Variants in ARHGAP42 observed in about 807,000 individuals in gnomAD.
ARHGAP42 encodes the protein rho GTPase-activating protein 42.
Under a neutral mutation model 125.0 loss-of-function variants are expected in ARHGAP42, and 63 were observed. The observed-to-expected ratio is 0.50, with a 90% CI of 0.41 to 0.62. The LOEUF (loss-of-function observed/expected upper bound fraction) is 0.62, where lower values mean the gene tolerates loss of function less well. Ranked by LOEUF, ARHGAP42 falls within the 20% of genes least tolerant of loss-of-function variation. ARHGAP42 has a pLI of 0.00. For missense variants in ARHGAP42, 766 were observed against 1,024.2 expected (o/e 0.75, Z 3.44); for synonymous variants, 339 against 351.0 (o/e 0.97, Z 0.38).
chr11:100,860,137 T>C (rs554306707), intron 4 of ARHGAP42, among the ~76,000 whole-genome samples: 1 of 152,276 alleles, frequency 6.6e-6, no homozygotes, highest in South Asian at 2.1e-4. Context: ...TCCTCATTCT[T>C]AGAGCCATAT....
chr11:100,830,977 G>A (rs1197896570), intron 3 of ARHGAP42, among the ~76,000 whole-genome samples: 1 of 152,040 alleles, frequency 6.6e-6, no homozygotes, highest in Non-Finnish European at 1.5e-5. Flanking sequence ...AAGATGGGAA[G>A]GGGTCAAAGT....
At chr11:100,710,928 AC>A (rs1861556006) in intron 1 of ARHGAP42, among the ~76,000 whole-genome samples, 1 of 152,150 alleles carries the variant, frequency 6.6e-6, no homozygotes, top group Non-Finnish European at 1.5e-5. Context: ...CTGTGGTGCC[AC>A]ACCCCCTCAG....
At chr11:100,913,576 A>G in intron 5 of ARHGAP42, 23 bp downstream of exon 5, 1 of 1,210,698 alleles carries the variant, frequency 8.3e-7, no homozygotes, top group Non-Finnish European at 1.1e-6. Context: ...AACTGAAATA[A>G]TGGAAAAGGC....
At chr11:100,947,786 T>C (rs1868064660) in intron 10 of ARHGAP42, among the ~76,000 whole-genome samples, 1 of 152,000 alleles carries the variant, frequency 6.6e-6, no homozygotes, top group South Asian at 2.1e-4. Flanking sequence ...CTCAATTTTC[T>C]GTTTAACTAA....
At position 100,921,729 on chromosome 11, in the gene ARHGAP42, G is replaced by A. The variant is rs936428332; in HGVS notation, c.597+125G>A. 6.4e-6 allele frequency: 4 copies of A among 625,096 alleles called. No homozygotes were observed. The African/African-American group carries it at 7.5e-5, about 12-fold the overall frequency. 38.7% of individuals were successfully genotyped at this position (625,096 alleles called of 1,614,324 possible). ...GATTGATAAAAATAAAAGGGGAGTGGGAAGGGATGAAAAAGTGGAGCACAG... is the reference window on the plus strand; with the variant it reads ...GATTGATAAAAATAAAAGGGGAGTGAGAAGGGATGAAAAAGTGGAGCACAG... On this transcript the variant is annotated intron_variant, in intron 6 of 23. Coordinates refer to ENST00000298815, the MANE Select transcript of ARHGAP42 (RefSeq NM_152432.4).
At chr11:100,955,441 A>G (rs967009691) in intron 12 of ARHGAP42, among the ~76,000 whole-genome samples, 1 of 152,098 alleles carries the variant, frequency 6.6e-6, no homozygotes, top group African/African-American at 2.4e-5. Context: ...GGGCTGGGGT[A>G]GGGCTTGGGA....
rs144585602 is a variant in ARHGAP42 at position 100,767,467 on chromosome 11, G to A, written c.155-2876G>A. On this transcript the variant is annotated intron_variant, in intron 1 of 23. Coordinates refer to ENST00000298815, the MANE Select transcript of ARHGAP42 (RefSeq NM_152432.4). ...TTCTTGTTTGGGGATGGGGATTACT[G>A]TCATGCATTCACAGTGATCTCTGTG... 2.1e-3 allele frequency among the ~76,000 whole-genome samples: 323 copies of A among 152,276 alleles called. 1 individual carries two copies. Among genetic ancestry groups the A allele is most frequent in the African/African-American group, 7.3e-3 (302 of 41,554 alleles).
intron 1 of ARHGAP42, among the ~76,000 whole-genome samples, chr11:100,763,438 C>A (rs1052311276): frequency 3.9e-5 from 6 of 152,110 alleles, no homozygotes; most frequent in African/African-American, 1.4e-4. Context: ...AGATGTTATT[C>A]AGTGTGGCAT....
At chr11:100,988,519 T>A (rs1322313356) in intron 23 of ARHGAP42, among the ~76,000 whole-genome samples, 194 bp from the exon 24 acceptor site, 1 of 152,202 alleles carries the variant, frequency 6.6e-6, no homozygotes, top group Non-Finnish European at 1.5e-5. Flanking sequence ...GTCCCTAGGG[T>A]ATATGCAAAT....
intron 1 of ARHGAP42, among the ~76,000 whole-genome samples, chr11:100,700,898 G>A (rs1035884663): frequency 2.6e-5 from 4 of 152,154 alleles, no homozygotes; most frequent in African/African-American, 7.2e-5. Flanking sequence ...ATCCTTTCCC[G>A]AAGGTTTTCA....
Position 100,936,313 on chromosome 11 carries a change from T to A in ARHGAP42, c.813T>A (p.Tyr271Ter), listed in dbSNP as rs1435949258. The change falls in exon 8 of 24, where the codon TAT (tyrosine) becomes TAA (stop). Residue 271 changes from tyrosine to a stop codon, truncating the protein, a stop_gained. Transcript: ENST00000298815. LOFTEE classifies it high-confidence loss of function. The part of the protein sequence containing the change: ...RPPSQWTMEG[Y>*]LYVQEKRPLG... The stretch of plus-strand genomic sequence containing the variant: ...CCAGCCAGTGGACGATGGAAGGCTA[T>A]CTGTATGTCCAGGAGAAACGTGAGT... 6.4e-7 allele frequency: 1 copy of A among 1,551,474 alleles called. No homozygotes were observed. The highest frequency in any genetic ancestry group is 8.7e-7 in the Non-Finnish European group (1 of 1,146,890).
intron 3 of ARHGAP42, among the ~76,000 whole-genome samples, chr11:100,846,757 G>A (rs774487466): frequency 2.0e-5 from 3 of 152,078 alleles, no homozygotes; most frequent in Non-Finnish European, 4.4e-5. Context: ...GAAGGGCCTC[G>A]AGACTTAGCC....
At chr11:100,756,900 G>T (rs1363154967) in intron 1 of ARHGAP42, among the ~76,000 whole-genome samples, 3 of 152,240 alleles carry the variant, frequency 2.0e-5, no homozygotes, top group East Asian at 3.9e-4. Flanking sequence ...GTTTTACTTT[G>T]TGCTTAGTTT....
chr11:100,884,293 T>G (rs1297611189), intron 4 of ARHGAP42, among the ~76,000 whole-genome samples: 1 of 152,170 alleles, frequency 6.6e-6, no homozygotes, highest in Non-Finnish European at 1.5e-5. Flanking sequence ...TTAAAAGCAA[T>G]AAAGTATTTT....
intron 12 of ARHGAP42, among the ~76,000 whole-genome samples, chr11:100,951,891 G>T (rs1857662954): frequency 6.6e-6 from 1 of 152,080 alleles, no homozygotes; most frequent in African/African-American, 2.4e-5. Context: ...AGCTCCTTGT[G>T]ACAGAACCCG....
At chr11:100,969,795 G>A (rs1858192000) in intron 17 of ARHGAP42, among the ~76,000 whole-genome samples, 1 of 152,048 alleles carries the variant, frequency 6.6e-6, no homozygotes, top group Non-Finnish European at 1.5e-5. Context: ...GTTTAAATCT[G>A]ATGTTTGGGT....
intron 1 of ARHGAP42, among the ~76,000 whole-genome samples, chr11:100,727,010 C>A (rs972646671): frequency 2.6e-5 from 4 of 152,170 alleles, no homozygotes; most frequent in Admixed American, 6.5e-5. Context: ...GATTTAAGTT[C>A]TTGCTGGTTA....
intron 1 of ARHGAP42, chr11:100,738,415 C>T (rs768660498): frequency 6.6e-6 from 1 of 152,098 alleles, no homozygotes; most frequent in Non-Finnish European, 1.5e-5. Flanking sequence ...CTCACAGTAC[C>T]GCAGTCTAAC....
At chr11:100,896,177 C>CT (rs1164783442) in intron 4 of ARHGAP42, among the ~76,000 whole-genome samples, 1 of 152,120 alleles carries the variant, frequency 6.6e-6, no homozygotes, top group Non-Finnish European at 1.5e-5. Flanking sequence ...TGAACTCATC[C>CT]TTTTTTATGG....
Sources: gnomAD v4.1 joint callset for allele counts (sites outside exome capture counted in the v4.1 genomes callset) on GRCh38, gnomAD v4.1.1 for gene constraint, MANE v1.5 for transcripts, NCBI Gene and HGNC (gene_info 2026-07-23, HGNC 2026-07-21) for gene names.